KLF8: variants seen among roughly 807,000 people sequenced by gnomAD.
The protein encoded by KLF8 is Krueppel-like factor 8.
KLF8 carries 10 observed loss-of-function variants against 18.2 expected under a neutral mutation model. The observed-to-expected ratio is 0.55, with a 90% confidence interval of 0.34 to 0.93. The LOEUF (loss-of-function observed/expected upper bound fraction) is 0.93, where lower values mean the gene tolerates loss of function less well. Among genes scored for constraint, KLF8 ranks in the 40% least tolerant of loss-of-function variants. The probability of loss-of-function intolerance (pLI) is 0.02; values close to 1 mark genes in which losing one functional copy is unlikely to be tolerated. For synonymous variants in KLF8, 109 were observed against 97.3 expected (o/e 1.12, Z -0.71); for missense variants, 264 against 277.9 (o/e 0.95, Z 0.36).
the KLF8 span, among the ~76,000 whole-genome samples, chrX:56,163,820 T>A: frequency 8.9e-6 from 1 of 112,355 alleles, no homozygotes; most frequent in East Asian, 2.8e-4. Flanking sequence ...TGAATATGGA[T>A]ACCCAGTTAT....
chrX:56,081,002 G>C, the KLF8 span, among the ~76,000 whole-genome samples: 6 of 110,602 alleles, frequency 5.4e-5, no homozygotes, highest in Non-Finnish European at 7.6e-5. Flanking sequence ...AGCTCCATCA[G>C]CTCCTTTAAG....
the KLF8 span, among the ~76,000 whole-genome samples, chrX:56,101,314 G>C: frequency 9.0e-6 from 1 of 111,501 alleles, no homozygotes; most frequent in Non-Finnish European, 1.9e-5. Context: ...TCTTTTTTAT[G>C]GCTGCATATA....
the KLF8 span, among the ~76,000 whole-genome samples, chrX:56,214,998 TA>T: frequency 1.2e-4 from 14 of 112,513 alleles, no homozygotes; most frequent in South Asian, 4.8e-3. Flanking sequence ...AAACTATTGC[TA>T]AATTATGTAC....
the KLF8 span, among the ~76,000 whole-genome samples, chrX:56,190,214 C>A: frequency 1.8e-5 from 2 of 109,822 alleles, no homozygotes; most frequent in African/African-American, 6.6e-5. Flanking sequence ...ATTTCAAGAC[C>A]AAAACAATAA....
chrX:56,032,493 CCTCT>C, the KLF8 span, among the ~76,000 whole-genome samples: 1 of 111,796 alleles, frequency 8.9e-6, no homozygotes, highest in South Asian at 3.7e-4. Flanking sequence ...TCAACTCCTC[CCTCT>C]AATTCCCAGC....
the KLF8 span, among the ~76,000 whole-genome samples, chrX:56,070,432 A>AAG: frequency 8.2e-5 from 9 of 109,753 alleles, no homozygotes; most frequent in Admixed American, 5.9e-4. Flanking sequence ...AAAAAAGAAA[A>AAG]AGAGAGAGAG....
At chrX:56,131,811 C>T in the KLF8 span, among the ~76,000 whole-genome samples, 1 of 111,633 alleles carries the variant, frequency 9.0e-6, no homozygotes, top group Non-Finnish European at 1.9e-5. Flanking sequence ...TGCAAATGGA[C>T]ACAGAAAGCA....
At chrX:56,185,627 AG>A in the KLF8 span, among the ~76,000 whole-genome samples, 1 of 112,029 alleles carries the variant, frequency 8.9e-6, no homozygotes, top group Non-Finnish European at 1.9e-5. Context: ...CCAGAGAGAA[AG>A]GTCGAGTTAC....
chrX:56,006,623 C>G, the KLF8 span, among the ~76,000 whole-genome samples: 1 of 112,353 alleles, frequency 8.9e-6, no homozygotes, highest in African/African-American at 3.2e-5. Context: ...GTCTGTTGGA[C>G]ATTTGTGAGT....
the KLF8 span, among the ~76,000 whole-genome samples, chrX:55,962,869 A>T: frequency 8.9e-6 from 1 of 112,733 alleles, no homozygotes; most frequent in East Asian, 2.8e-4. Flanking sequence ...AATAGCACAC[A>T]TTGGAAGCTT....
chrX:55,974,382 C>T, the KLF8 span, among the ~76,000 whole-genome samples: 1 of 110,837 alleles, frequency 9.0e-6, no homozygotes, highest in East Asian at 2.8e-4. Context: ...ATATTCCAGC[C>T]CATATTTATC....
At chrX:56,165,086 C>A in the KLF8 span, among the ~76,000 whole-genome samples, 12 of 108,065 alleles carry the variant, frequency 1.1e-4, no homozygotes, top group Admixed American at 1.2e-3. Flanking sequence ...ATGAACTCAT[C>A]ATTTTTTATG....
rs774925648 is a variant in KLF8, at chrX:56,289,796, T to C, written c.*5302T>C. Among the ~76,000 whole-genome samples, 5 of 111,860 alleles carry C rather than the reference T, an allele frequency of 4.5e-5. No homozygotes were observed. In the South Asian group the frequency reaches 1.9e-3, roughly 42 times the overall value. ...AACTACAGCACAGTGTGTATGTACA[T>C]AAAAATAGTAATATTTTTAGAACTC... On this transcript the variant is annotated 3_prime_UTR_variant, in exon 6 of 6. Coordinates refer to ENST00000468660, the MANE Select transcript of KLF8 (RefSeq NM_007250.5).
chrX:56,222,884 A>G, the KLF8 span, among the ~76,000 whole-genome samples: 2 of 112,869 alleles, frequency 1.8e-5, no homozygotes, highest in Admixed American at 1.8e-4. Context: ...CCGGAATTCT[A>G]GCTGGCCCGC....
the KLF8 span, among the ~76,000 whole-genome samples, chrX:56,044,205 C>T: frequency 1.3e-5 from 1 of 75,164 alleles, no homozygotes; most frequent in African/African-American, 5.2e-5. Context: ...CAGCGGGGTA[C>T]TGACCTGTTC....
the KLF8 span, among the ~76,000 whole-genome samples, chrX:56,049,945 T>G: frequency 3.6e-5 from 4 of 110,073 alleles, no homozygotes; most frequent in East Asian, 2.8e-4. Context: ...CAATTTCAGC[T>G]CCTGTTATTG....
the KLF8 span, among the ~76,000 whole-genome samples, chrX:56,067,444 T>C: frequency 9.0e-6 from 1 of 110,722 alleles, no homozygotes; most frequent in East Asian, 2.9e-4. Flanking sequence ...AGGCAGTGCC[T>C]AGATGGTAGA....
chrX:56,058,869 T>C, the KLF8 span, among the ~76,000 whole-genome samples: 4 of 111,745 alleles, frequency 3.6e-5, no homozygotes, highest in East Asian at 5.6e-4. Context: ...GTATACCCAG[T>C]AGTGGGATTG....
chrX:56,022,488 G>A, the KLF8 span, among the ~76,000 whole-genome samples: 4 of 98,699 alleles, frequency 4.1e-5, no homozygotes, highest in Non-Finnish European at 8.0e-5. Context: ...GGCAGAGCTT[G>A]CGGTGAGCCG....
Sources: allele counts gnomAD v4.1 joint callset (sites outside exome capture counted in the v4.1 genomes callset), GRCh38; gene constraint gnomAD v4.1.1; transcripts MANE v1.5; gene names NCBI Gene and HGNC (gene_info 2026-07-23, HGNC 2026-07-21).